ZNF692: variants seen among roughly 807,000 people sequenced by gnomAD.
ZNF692 encodes zinc finger protein 692.
In ZNF692, 41 loss-of-function variants were observed where a neutral mutation model predicts 49.0. The observed-to-expected ratio is 0.84, with a 90% CI of 0.65 to 1.08. The LOEUF (loss-of-function observed/expected upper bound fraction) is 1.08, where lower values mean the gene tolerates loss of function less well. ZNF692 is among the 50% of genes least tolerant of loss of function. The pLI is 0.00. For synonymous variants in ZNF692, 288 were observed against 251.5 expected (o/e 1.15, Z -1.37); for missense variants, 662 against 662.2 (o/e 1.00, Z 0.00).
rs933032159 is a variant in ZNF692, at chr1:248,850,108, C to T, written c.*102G>A. The T allele has an allele frequency of 7.3e-7, 1 of 1,370,764 alleles. No homozygotes were observed. Among genetic ancestry groups the T allele is most frequent in the East Asian group, 2.4e-5 (1 of 41,762 alleles). 84.9% of individuals were successfully genotyped at this position (1,370,764 alleles called of 1,614,324 possible). On this transcript the variant is annotated 3_prime_UTR_variant, in exon 12 of 12. Transcript: ENST00000306601. ...CACCCTGCACTCTGTCGCCTTAGTTCCTGGGGACCAAGCATCTGGCATTTC... is the reference window on the plus strand; with the variant it reads ...CACCCTGCACTCTGTCGCCTTAGTTTCTGGGGACCAAGCATCTGGCATTTC...
chr1:248,850,576 G>A (rs1002031902), intron 11 of ZNF692, 60 bp from the exon 12 acceptor site: 103 of 1,592,280 alleles, frequency 6.5e-5, no homozygotes, highest in South Asian at 4.6e-4. Context: ...ACTTCCCTAG[G>A]GGGTTCCTCC....
In ZNF692 at chr1:248,857,411, G is replaced by A. The variant is rs1195447774; in HGVS notation, c.298C>T (p.Leu100Phe). Reference sequence around the variant, plus strand: ...CCATCTTGGCCGCCAGGCCCCCGAAGCCCGGGCACCAGGCTGCACTCTCGG... The same window carrying A: ...CCATCTTGGCCGCCAGGCCCCCGAAACCCGGGCACCAGGCTGCACTCTCGG... Reference protein sequence around the residue: ...HSRECSLVPGLRGPGGQDGGL... With the variant: ...HSRECSLVPGFRGPGGQDGGL... Residue 100 changes from leucine to phenylalanine, a missense_variant, in exon 4 of 12, where the codon CTT becomes TTT. By Grantham distance (22) the Leu-to-Phe change is conservative. Transcript: ENST00000306601. 2 of 1,614,086 alleles carry A rather than the reference G, an allele frequency of 1.2e-6. No individual in the cohort carries two copies. Among genetic ancestry groups the A allele is most frequent in the Admixed American group, 1.7e-5 (1 of 60,004 alleles).
In ZNF692 at chr1:248,857,408, G is replaced by A. The variant is rs780053651; in HGVS notation, c.301C>T (p.Arg101Trp). The change falls in exon 4 of 12, where the codon CGG becomes TGG. Residue 101 changes from arginine (R) to tryptophan (W), a missense_variant. Arg to Trp is a moderately radical substitution (Grantham distance 101, BLOSUM62 -3). Transcript: ENST00000306601. ...CCCCCATCTTGGCCGCCAGGCCCCCGAAGCCCGGGCACCAGGCTGCACTCT... is the reference window on the plus strand; with the variant it reads ...CCCCCATCTTGGCCGCCAGGCCCCCAAAGCCCGGGCACCAGGCTGCACTCT... ...SRECSLVPGL[R>W]GPGGQDGGLV... is the part of the protein sequence containing the mutation. 22 of 1,613,986 alleles carry A rather than the reference G, an allele frequency of 1.4e-5. 1 individual carries two copies. Among genetic ancestry groups the A allele is most frequent in the Admixed American group, 6.7e-5 (4 of 60,006 alleles).
At chr1:248,853,663 A>T (rs966276617) in intron 10 of ZNF692, among the ~76,000 whole-genome samples, 1 of 152,168 alleles carries the variant, frequency 6.6e-6, no homozygotes, top group African/African-American at 2.4e-5. Context: ...GCCCTGTATC[A>T]CTAAAGTGGA....
At chr1:248,850,862 C>G in intron 10 of ZNF692, 81 bp from the exon 11 acceptor site, 1 of 1,183,068 alleles carries the variant, frequency 8.5e-7, no homozygotes, top group Non-Finnish European at 1.2e-6. Flanking sequence ...CTGTCCCTCA[C>G]CAGAGTGCAC....
In ZNF692 at chr1:248,850,506, A is replaced by T. The variant is rs1284018263; in HGVS notation, c.1264T>A (p.Cys422Ser). The T allele has an allele frequency of 3.7e-6, 6 of 1,607,364 alleles. No individual in the cohort carries two copies. The highest frequency in any genetic ancestry group is 5.1e-6 in the Non-Finnish European group (6 of 1,176,252). Residue 422 changes from cysteine to serine, a missense_variant, in exon 12 of 12, where the codon TGC (cysteine) becomes AGC (serine). Coordinates refer to ENST00000306601, the MANE Select transcript of ZNF692 (RefSeq NM_017865.4). ...TGEKPLQCEI[C>S]GFTCRQKASL... Reference sequence around the variant, plus strand: ...GCCTTCTGGCGGCAGGTAAACCCGCATATCTCACACCTGGAGTCAGGGACA... The same window carrying T: ...GCCTTCTGGCGGCAGGTAAACCCGCTTATCTCACACCTGGAGTCAGGGACA...
chr1:248,854,343 C>A, intron 9 of ZNF692: 1 of 350,578 alleles, frequency 2.9e-6, no homozygotes, highest in Non-Finnish European at 5.4e-6. Context: ...CAATGTCCTG[C>A]AATGTTCCCT....
intron 6 of ZNF692, 151 bp downstream of exon 6, chr1:248,856,137 A>T: frequency 3.7e-6 from 5 of 1,343,420 alleles, no homozygotes; most frequent in Non-Finnish European, 4.0e-6. Context: ...TCACCCCCTC[A>T]GTTCAAAGCC....
chr1:248,850,710 G>A lies in ZNF692; in HGVS notation c.1225C>T (p.Arg409Cys), dbSNP rs367874051. Residue 409 changes from arginine to cysteine, a missense_variant, in exon 11 of 12, where the codon CGT becomes TGT. By Grantham distance (180) the Arg-to-Cys change is radical. Coordinates refer to ENST00000306601, the MANE Select transcript of ZNF692 (RefSeq NM_017865.4). Reference sequence around the variant, plus strand: ...AGGGGTTTTTCTCCAGTGTGGATACGTCTGTGGATGACAAGGTTGCTGCTA... The same window carrying A: ...AGGGGTTTTTCTCCAGTGTGGATACATCTGTGGATGACAAGGTTGCTGCTA... ...RTSSNLVIHR[R>C]IHTGEKPLQC... 23 of 1,613,984 alleles carry A rather than the reference G, an allele frequency of 1.4e-5. No individual in the cohort carries two copies. The highest frequency in any genetic ancestry group is 1.3e-4 in the East Asian group (6 of 44,886).
chr1:248,850,386 T>G lies in ZNF692; in HGVS notation c.1384A>C (p.Ser462Arg). The change falls in exon 12 of 12, where the codon AGT becomes CGT. Residue 462 changes from serine (S) to arginine (R), a missense_variant. Ser to Arg is a moderately radical substitution (Grantham distance 110). Transcript: ENST00000306601. ...FCGKRFEKPD[S>R]VAAHRSKSHP... ...CTTTTGCTACGGTGGGCTGCAACAC[T>G]GTCTGGCTTCTCAAAGCGCTTGCCG... 1 of 1,614,064 alleles carries G rather than the reference T, an allele frequency of 6.2e-7. No individual in the cohort carries two copies. The highest frequency in any genetic ancestry group is 1.1e-5 in the South Asian group (1 of 91,082).
rs189499213 is a variant in ZNF692 at position 248,856,551 on chromosome 1, C to G, written c.487G>C (p.Glu163Gln). 120 of 1,614,176 alleles carry G rather than the reference C, an allele frequency of 7.4e-5. No homozygotes were observed. The highest frequency in any genetic ancestry group is 9.5e-5 in the Non-Finnish European group (112 of 1,180,042). ...SGQELADLES[E>Q]HDERTQEARL... Reference sequence around the variant, plus strand: ...GCCTCTTGAGTCCTCTCATCATGCTCAGATTCCAAATCTGTGGGACAGGCA... The same window carrying G: ...GCCTCTTGAGTCCTCTCATCATGCTGAGATTCCAAATCTGTGGGACAGGCA... The change falls in exon 5 of 12, where the codon GAG (glutamate) becomes CAG (glutamine). Residue 163 changes from glutamate (E) to glutamine (Q), a missense_variant. Physicochemically the swap from Glu to Gln is conservative, Grantham distance 29 (BLOSUM62 2). Transcript: ENST00000306601.
Position 248,858,339 on chromosome 1 carries a change from CG to C in ZNF692, c.-12-19del. The C allele has an allele frequency of 1.3e-6, 2 of 1,530,592 alleles. No homozygotes were observed. Among genetic ancestry groups the C allele is most frequent in the Non-Finnish European group, 1.8e-6 (2 of 1,133,488 alleles). The allele number at this position is 1,530,592 out of a possible 1,614,324, so 94.8% of individuals were successfully genotyped here. A position where few individuals can be genotyped will look rare whatever the true frequency, so the allele number is the denominator to read the frequency against. On this transcript the variant is annotated intron_variant, in intron 1 of 11. Transcript: ENST00000306601. The surrounding 1 kb of genome is among the most constrained non-coding windows in gnomAD (Gnocchi z 4.3). ...ACCAGAGGCTGGAGGGTGGAAGGGA[CG>C]TCTTCAGCGCCCTGCCGATCTCGGG...
chr1:248,850,385 CTG>C lies in ZNF692; in HGVS notation c.1383_1384del (p.Asp461GlufsTer7), dbSNP rs1236343107. 5 of 1,614,128 alleles carry C rather than the reference CTG, an allele frequency of 3.1e-6. 1 individual carries two copies. In the South Asian group the frequency reaches 3.3e-5, roughly 11 times the overall value. The stretch of plus-strand genomic sequence containing the variant: ...ACTTTTGCTACGGTGGGCTGCAACA[CTG>C]TCTGGCTTCTCAAAGCGCTTGCCGC... On this transcript the variant is annotated frameshift_variant, in exon 12 of 12. Transcript: ENST00000306601. LOFTEE classifies it low-confidence loss of function (END_TRUNC).
At position 248,858,650 on chromosome 1, in the gene ZNF692, T is replaced by G. The variant is rs868827362; in HGVS notation, c.-13+268A>C. On this transcript the variant is annotated intron_variant, in intron 1 of 11. Transcript: ENST00000306601. This position sits in a 1 kb window ranked among gnomAD's most constrained non-coding sequence, Gnocchi z 4.3. The stretch of plus-strand genomic sequence containing the variant: ...GAAATTTCAACTGGGCTGGGGGCGG[T>G]CCACACATTTCATCTTGAATAGGGC... 3 of 1,173,916 alleles carry G rather than the reference T, an allele frequency of 2.6e-6. No homozygotes were observed. Among genetic ancestry groups the G allele is most frequent in the African/African-American group, 3.1e-5 (2 of 65,514 alleles). 72.7% of individuals were successfully genotyped at this position (1,173,916 alleles called of 1,614,324 possible). A position where few individuals can be genotyped will look rare whatever the true frequency, so the allele number is the denominator to read the frequency against.
chr1:248,855,901 G>A lies in ZNF692; in HGVS notation c.705C>T (p.Cys235=). ...APRLLPSPVT[C]TPKEGETPPA... ...GTGGTGTCTCCCCCTCTTTAGGTGT[G>A]CAGGTGACAGGGGAAGGCAGTAGTC... The change falls in exon 7 of 12, where the codon TGC becomes TGT. Residue 235 remains cysteine (C), a synonymous_variant. Transcript: ENST00000306601. 6.2e-7 allele frequency: 1 copy of A among 1,614,150 alleles called. No homozygotes were observed. Among genetic ancestry groups the A allele is most frequent in the African/African-American group, 1.3e-5 (1 of 75,030 alleles).
intron 6 of ZNF692, 57 bp downstream of exon 6, chr1:248,856,231 G>A: frequency 6.5e-7 from 1 of 1,532,648 alleles, no homozygotes; most frequent in Non-Finnish European, 8.8e-7. Context: ...GCCATGAACT[G>A]CCAGGCCAGC....
In ZNF692 at chr1:248,858,419, A is replaced by C; in HGVS notation, c.-12-98T>G. On this transcript the variant is annotated intron_variant, in intron 1 of 11. Transcript: ENST00000306601. This position sits in a 1 kb window ranked among gnomAD's most constrained non-coding sequence, Gnocchi z 4.3. ...AGGGCCTCAGTTTCCTCATCAGTGA[A>C]CTGGGGCAAGACTAAACTATTTCAA... The C allele has an allele frequency of 6.4e-7, 1 of 1,550,522 alleles. No individual in the cohort carries two copies. Among genetic ancestry groups the C allele is most frequent in the Non-Finnish European group, 8.7e-7 (1 of 1,145,978 alleles).
chr1:248,852,961 A>T (rs1354259468), intron 10 of ZNF692, among the ~76,000 whole-genome samples: 1 of 152,126 alleles, frequency 6.6e-6, no homozygotes, highest in Non-Finnish European at 1.5e-5. Context: ...CCTGATCTCC[A>T]CATTCACATC....
At chr1:248,855,526 C>T (rs745803007) in intron 8 of ZNF692, 32 bp downstream of exon 8, 10 of 1,613,918 alleles carry the variant, frequency 6.2e-6, no homozygotes, top group Non-Finnish European at 7.6e-6. Context: ...TCCTCTCGGC[C>T]CTCCCCAGAA....
Sources: allele counts gnomAD v4.1 joint callset (sites outside exome capture counted in the v4.1 genomes callset), GRCh38; gene constraint gnomAD v4.1.1; non-coding constraint Gnocchi (gnomAD v3.1); transcripts MANE v1.5; gene names NCBI Gene and HGNC (gene_info 2026-07-23, HGNC 2026-07-21).